The following ADK variants were observed in gnomAD, a reference collection of about 807,000 sequenced individuals.
ADK encodes the protein N6,N6-dimethyladenosine kinase.
Under a neutral mutation model 44.7 loss-of-function variants are expected in ADK, and 24 were observed. That is an observed-to-expected ratio of 0.54 (90% confidence interval 0.39 to 0.76). The LOEUF (loss-of-function observed/expected upper bound fraction) is 0.76. Among genes scored for constraint, ADK ranks in the 30% least tolerant of loss-of-function variants. The pLI is 0.00. For synonymous variants in ADK, 128 were observed against 142.6 expected (o/e 0.90, Z 0.73); for missense variants, 321 against 425.1 (o/e 0.76, Z 2.15).
At position 74,515,147 on chromosome 10, in the gene ADK, G is replaced by A. The variant is rs972019018; in HGVS notation, c.556-10109G>A. ...GAATAGATTTCATAAGAAAGAATAC[G>A]AATGAGTCTTGGGTTGTTGGTTTGG... On this transcript the variant is annotated intron_variant, in intron 6 of 10. Coordinates refer to ENST00000539909, the MANE Select transcript of ADK (RefSeq NM_006721.4). Among the ~76,000 whole-genome samples, 6 of 152,156 alleles carry A rather than the reference G, an allele frequency of 3.9e-5. No homozygotes were observed. In the East Asian group the frequency reaches 5.8e-4, roughly 15 times the overall value.
chr10:74,245,802 G>A (rs1458399360), intron 3 of ADK, among the ~76,000 whole-genome samples: 2 of 152,156 alleles, frequency 1.3e-5, no homozygotes, highest in East Asian at 1.9e-4. Flanking sequence ...TATTGGTCAG[G>A]CTGGTCTTGA....
intron 3 of ADK, among the ~76,000 whole-genome samples, chr10:74,237,367 C>A (rs1394214351): frequency 6.6e-6 from 1 of 152,192 alleles, no homozygotes; most frequent in Non-Finnish European, 1.5e-5. Flanking sequence ...ATTTCAGTAT[C>A]CATCTTCAGG....
At chr10:74,693,966 G>A (rs1430032637) in intron 10 of ADK, among the ~76,000 whole-genome samples, 2 of 151,960 alleles carry the variant, frequency 1.3e-5, no homozygotes, top group African/African-American at 4.8e-5. Flanking sequence ...ACTCTTGAAT[G>A]GTTGCTCTTA....
intron 7 of ADK, 150 bp downstream of exon 7, chr10:74,525,576 C>T: frequency 1.5e-6 from 1 of 645,348 alleles, no homozygotes; most frequent in Non-Finnish European, 2.6e-6. Context: ...GCCTCAATGT[C>T]AACTGCTCTC....
At chr10:74,491,329 A>G (rs972968946) in intron 6 of ADK, among the ~76,000 whole-genome samples, 1 of 152,136 alleles carries the variant, frequency 6.6e-6, no homozygotes, top group Non-Finnish European at 1.5e-5. Context: ...GCTGGACTTG[A>G]ACTTTTAGAT....
At chr10:74,283,684 CTTT>C (rs774619771) in intron 3 of ADK, among the ~76,000 whole-genome samples, 8 of 95,572 alleles carry the variant, frequency 8.4e-5, no homozygotes, top group Non-Finnish European at 1.3e-4. Flanking sequence ...TTCTTTCTTT[CTTT>C]TTTTTTTTTT....
chr10:74,448,449 A>G (rs1845659433), intron 6 of ADK, among the ~76,000 whole-genome samples: 1 of 152,180 alleles, frequency 6.6e-6, no homozygotes, highest in African/African-American at 2.4e-5. Flanking sequence ...AGCAGCATGT[A>G]TATATGTGTA....
intron 5 of ADK, among the ~76,000 whole-genome samples, chr10:74,397,945 C>A (rs1843575131): frequency 6.6e-6 from 1 of 152,126 alleles, no homozygotes; most frequent in Non-Finnish European, 1.5e-5. Flanking sequence ...TTGATTTCAG[C>A]CCTTAGAATG....
chr10:74,339,255 T>C (rs1319703529), intron 4 of ADK, among the ~76,000 whole-genome samples: 1 of 152,160 alleles, frequency 6.6e-6, no homozygotes, highest in Non-Finnish European at 1.5e-5. Context: ...GCCACTGCCC[T>C]GGCCTAAATT....
chr10:74,452,544 G>C (rs1845813609), intron 6 of ADK, among the ~76,000 whole-genome samples: 1 of 151,868 alleles, frequency 6.6e-6, no homozygotes, highest in Non-Finnish European at 1.5e-5. Context: ...GCTTTATTTT[G>C]CTCCAGAAAT....
At chr10:74,506,318 C>T (rs1848073516) in intron 6 of ADK, 1 of 267,900 alleles carries the variant, frequency 3.7e-6, no homozygotes. Flanking sequence ...CAGCTGCAGA[C>T]CTCAATCTAC....
At chr10:74,540,828 A>G (rs149918023) in intron 7 of ADK, among the ~76,000 whole-genome samples, 2,039 of 152,278 alleles carry the variant, frequency 0.013, 22 homozygotes, top group Middle Eastern at 0.034. Flanking sequence ...GTAAATTTAT[A>G]TCACAGTAGA....
chr10:74,489,197 A>T (rs1361247543), intron 6 of ADK, among the ~76,000 whole-genome samples: 1 of 151,964 alleles, frequency 6.6e-6, no homozygotes, highest in Non-Finnish European at 1.5e-5. Flanking sequence ...CATATGGAAC[A>T]CTCTGCTTAT....
At chr10:74,373,533 A>T (rs1480729467) in intron 4 of ADK, among the ~76,000 whole-genome samples, 1 of 152,178 alleles carries the variant, frequency 6.6e-6, no homozygotes, top group African/African-American at 2.4e-5. Flanking sequence ...TCCCAAAAGA[A>T]GATATACAAA....
intron 3 of ADK, among the ~76,000 whole-genome samples, chr10:74,302,128 T>TTTTTTTTTTTTTTTTTTTTG (rs1840076027): frequency 1.1e-5 from 1 of 89,398 alleles, no homozygotes; most frequent in African/African-American, 4.2e-5. Flanking sequence ...TTTTTTTTTT[T>TTTTTTTTTTTTTTTTTTTTG]TTTTTTTTTT....
chr10:74,347,561 G>A lies in ADK; in HGVS notation c.273+32816G>A, dbSNP rs149705999. Reference sequence around the variant, plus strand: ...CCCCAGTGGCACCCGGAACCCCAGCGAGACAGAACTGTTAACTCCCCTGGA... The same window carrying A: ...CCCCAGTGGCACCCGGAACCCCAGCAAGACAGAACTGTTAACTCCCCTGGA... On this transcript the variant is annotated intron_variant, in intron 4 of 10. Transcript: ENST00000539909. Among the ~76,000 whole-genome samples the A allele has an allele frequency of 3.1e-3, 470 of 152,134 alleles. 1 individual carries two copies. The highest frequency in any genetic ancestry group is 5.3e-3 in the Non-Finnish European group (358 of 67,994).
chr10:74,593,615 TG>T (rs1465749286), intron 8 of ADK, among the ~76,000 whole-genome samples: 2 of 152,048 alleles, frequency 1.3e-5, no homozygotes, highest in Admixed American at 1.3e-4. Context: ...ATGGAGTTAG[TG>T]GGGACAGCAT....
At chr10:74,598,371 A>C (rs1310196055) in intron 8 of ADK, among the ~76,000 whole-genome samples, 2 of 151,932 alleles carry the variant, frequency 1.3e-5, no homozygotes, top group African/African-American at 4.8e-5. Context: ...TCTTTGATTA[A>C]ATTACCAAAG....
chr10:74,178,585 C>G (rs1471023067), intron 1 of ADK, among the ~76,000 whole-genome samples: 2 of 152,190 alleles, frequency 1.3e-5, no homozygotes, highest in Non-Finnish European at 2.9e-5. Flanking sequence ...GGAGAAACAT[C>G]CAAATCTAAA....
Sources: gnomAD v4.1 joint callset for allele counts (sites outside exome capture counted in the v4.1 genomes callset) on GRCh38, gnomAD v4.1.1 for gene constraint, MANE v1.5 for transcripts, NCBI Gene and HGNC (gene_info 2026-07-23, HGNC 2026-07-21) for gene names.